Variants in ARHGEF10 observed in about 807,000 individuals in gnomAD.
The protein encoded by ARHGEF10 is Rho guanine nucleotide exchange factor (GEF) 10.
A neutral mutation model predicts 147.4 loss-of-function variants in ARHGEF10; 140 were observed. The observed-to-expected ratio is 0.95, with a 90% CI of 0.83 to 1.09. The LOEUF (loss-of-function observed/expected upper bound fraction) is 1.09. ARHGEF10 is among the 50% of genes least tolerant of loss of function. The probability of loss-of-function intolerance (pLI) is 0.00; values close to 1 mark genes in which losing one functional copy is unlikely to be tolerated. For synonymous variants in ARHGEF10, 902 were observed against 695.8 expected (o/e 1.30, Z -4.67); for missense variants, 2,222 against 1,752.7 (o/e 1.27, Z -4.78).
At chr8:1,850,451 G>A (rs1805038775) in intron 2 of ARHGEF10, among the ~76,000 whole-genome samples, 1 of 148,920 alleles carries the variant, frequency 6.7e-6, no homozygotes, top group Non-Finnish European at 1.5e-5. Context: ...TGAGGAGGGT[G>A]TGGGGCAACC....
At chr8:1,929,573 T>C (rs988160418) in intron 25 of ARHGEF10, 130 bp downstream of exon 25, 1 of 1,154,980 alleles carries the variant, frequency 8.7e-7, no homozygotes, top group African/African-American at 1.6e-5. Flanking sequence ...CCTGCGCTCG[T>C]CACCCTTGCC....
At position 1,909,391 on chromosome 8, in the gene ARHGEF10, C is replaced by T. The variant is rs750502328; in HGVS notation, c.2064C>T (p.Ser688=). The T allele has an allele frequency of 4.3e-6, 7 of 1,614,154 alleles. No individual in the cohort carries two copies. Among genetic ancestry groups the T allele is most frequent in the East Asian group, 2.2e-5 (1 of 44,884 alleles). ...TGGACGCCATCGAGTATGGCAGCAG[C>T]GCAGGCACGGGCGAGCACAGCAGGC... ...GHVDAIEYGS[S]AGTGEHSRHL... Residue 688 remains serine (S), a synonymous_variant, in exon 18 of 29, where the codon AGC becomes AGT. Transcript: ENST00000349830.
intron 25 of ARHGEF10, among the ~76,000 whole-genome samples, chr8:1,929,665 C>T (rs546885874): frequency 2.2e-4 from 34 of 152,334 alleles, no homozygotes; most frequent in Middle Eastern, 3.4e-3. Flanking sequence ...CTGCCCGTCT[C>T]CTCCCACCCT....
intron 18 of ARHGEF10, among the ~76,000 whole-genome samples, chr8:1,919,580 GGA>G (rs1261408244): frequency 2.7e-5 from 4 of 148,636 alleles, no homozygotes; most frequent in South Asian, 2.1e-4. Context: ...GCTGTTCTGT[GGA>G]TGATGGAGCT....
At chr8:1,949,780 G>T (rs998790751) in intron 27 of ARHGEF10, among the ~76,000 whole-genome samples, 2 of 152,126 alleles carry the variant, frequency 1.3e-5, no homozygotes, top group African/African-American at 4.8e-5. Flanking sequence ...CGAGACTGAG[G>T]ACTTGGGAGC....
At chr8:1,884,165 G>T (rs1169002016) in intron 10 of ARHGEF10, among the ~76,000 whole-genome samples, 1 of 152,080 alleles carries the variant, frequency 6.6e-6, no homozygotes, top group Non-Finnish European at 1.5e-5. Flanking sequence ...AGGCCGAGGC[G>T]GGCAGATCAC....
intron 26 of ARHGEF10, among the ~76,000 whole-genome samples, chr8:1,938,914 C>T (rs1437833065): frequency 6.7e-6 from 1 of 149,670 alleles, no homozygotes; most frequent in Non-Finnish European, 1.5e-5. Context: ...AATCCCAGTC[C>T]CCAGAAACCC....
Position 1,858,084 on chromosome 8 carries a change from T to G in ARHGEF10, c.162T>G (p.Gly54=), listed in dbSNP as rs768024049. 1.4e-5 allele frequency: 23 copies of G among 1,604,048 alleles called. No individual in the cohort carries two copies. The African/African-American group carries it at 2.5e-4, about 17-fold the overall frequency. ...RQAPSAPETG[G]AGASEAPAPT... ...CCCCATCCGCCCCTGAGACAGGAGGTGCTGGAGCCAGTGAAGCCCCTGCAC... is the reference window on the plus strand; with the variant it reads ...CCCCATCCGCCCCTGAGACAGGAGGGGCTGGAGCCAGTGAAGCCCCTGCAC... The change falls in exon 3 of 29, where the codon GGT becomes GGG. Residue 54 remains glycine, a synonymous_variant. Transcript: ENST00000349830.
chr8:1,896,402 C>T lies in ARHGEF10; in HGVS notation c.1510C>T (p.Leu504Phe), dbSNP rs750463902. The change falls in exon 14 of 29, where the codon CTC (leucine) becomes TTC (phenylalanine). Residue 504 changes from leucine to phenylalanine, a missense_variant. Leu to Phe is a conservative substitution (Grantham distance 22, BLOSUM62 0). Coordinates refer to ENST00000349830, the MANE Select transcript of ARHGEF10 (RefSeq NM_014629.4). ...CAATTTCAGCACAGCCGTGGCAGTC[C>T]TCAAGAAAACATGTGCCACAAAGCC... is the stretch of plus-strand genomic sequence containing the variant. ...VNNFSTAVAV[L>F]KKTCATKPAF... The T allele has an allele frequency of 6.2e-7, 1 of 1,613,974 alleles. No homozygotes were observed. The highest frequency in any genetic ancestry group is 8.5e-7 in the Non-Finnish European group (1 of 1,180,020).
At chr8:1,909,128 A>G (rs1811151974) in intron 17 of ARHGEF10, among the ~76,000 whole-genome samples, 167 bp from the exon 18 acceptor site, 1 of 152,192 alleles carries the variant, frequency 6.6e-6, no homozygotes, top group Admixed American at 6.5e-5. Flanking sequence ...TATGGCAGCA[A>G]GTGGGGACTC....
chr8:1,865,880 G>A (rs1261612066), intron 5 of ARHGEF10, among the ~76,000 whole-genome samples: 2 of 152,206 alleles, frequency 1.3e-5, no homozygotes, highest in African/African-American at 4.8e-5. Context: ...GTGTCGGGAC[G>A]ACTGATCCCT....
intron 12 of ARHGEF10, among the ~76,000 whole-genome samples, chr8:1,894,058 C>T (rs1430886751): frequency 6.6e-6 from 1 of 151,544 alleles, no homozygotes; most frequent in African/African-American, 2.4e-5. Flanking sequence ...CCTATGGTCC[C>T]AGCTACTCGG....
intron 1 of ARHGEF10, among the ~76,000 whole-genome samples, chr8:1,839,675 A>T: frequency 2.4e-5 from 1 of 42,470 alleles, no homozygotes; most frequent in African/African-American, 1.2e-4. Flanking sequence ...TCTGGTGTGG[A>T]AACTGGTGTG....
chr8:1,900,472 A>G (rs912694317), intron 15 of ARHGEF10, among the ~76,000 whole-genome samples: 1 of 152,108 alleles, frequency 6.6e-6, no homozygotes, highest in Admixed American at 6.6e-5. Flanking sequence ...GGATTCTAAC[A>G]CAGTTGTCTA....
chr8:1,927,330 C>T (rs1812765934), intron 23 of ARHGEF10: 1 of 152,164 alleles, frequency 6.6e-6, no homozygotes, highest in African/African-American at 2.4e-5. Flanking sequence ...AGATTGGCAT[C>T]CTTCCCACAA....
intron 15 of ARHGEF10, among the ~76,000 whole-genome samples, chr8:1,900,735 A>C (rs1293267961): frequency 1.3e-5 from 2 of 152,212 alleles, no homozygotes; most frequent in African/African-American, 4.8e-5. Flanking sequence ...AATAAACTCA[A>C]GAACTTGGGT....
intron 23 of ARHGEF10, 58 bp from the exon 24 acceptor site, chr8:1,928,369 G>A (rs932207462): frequency 5.9e-6 from 9 of 1,527,756 alleles, no homozygotes; most frequent in East Asian, 4.5e-5. Context: ...AGGTTCCAGC[G>A]TATTATGGAA....
At chr8:1,913,423 G>A (rs971545143) in intron 18 of ARHGEF10, among the ~76,000 whole-genome samples, 5 of 152,214 alleles carry the variant, frequency 3.3e-5, no homozygotes, top group Admixed American at 3.3e-4. Flanking sequence ...TCCTTCAGAT[G>A]TGCAAATATT....
intron 6 of ARHGEF10, among the ~76,000 whole-genome samples, chr8:1,868,694 T>C (rs1806825979): frequency 6.6e-6 from 1 of 152,222 alleles, no homozygotes; most frequent in Non-Finnish European, 1.5e-5. Context: ...ATGGTGTCAT[T>C]GGTTTATTGG....
Sources: allele counts gnomAD v4.1 joint callset (sites outside exome capture counted in the v4.1 genomes callset), GRCh38; gene constraint gnomAD v4.1.1; transcripts MANE v1.5; gene names NCBI Gene and HGNC (gene_info 2026-07-23, HGNC 2026-07-21).